MYRIP: variants seen among roughly 807,000 people sequenced by gnomAD.
MYRIP encodes the protein rab effector MyRIP.
Under a neutral mutation model 98.0 loss-of-function variants are expected in MYRIP, and 49 were observed. The observed-to-expected ratio is 0.50, with a 90% confidence interval of 0.40 to 0.63. The LOEUF (loss-of-function observed/expected upper bound fraction) is 0.63, where lower values mean the gene tolerates loss of function less well. MYRIP is among the 30% of genes least tolerant of loss of function. MYRIP has a pLI of 0.00. For synonymous variants in MYRIP, 404 were observed against 409.5 expected, an observed-to-expected ratio of 0.99 and a Z score of 0.16; for missense variants, 1,004 against 1,058.2, an observed-to-expected ratio of 0.95 and a Z score of 0.71.
chr3:40,047,958 T>A (rs1947705292), intron 3 of MYRIP, among the ~76,000 whole-genome samples: 1 of 152,150 alleles, frequency 6.6e-6, no homozygotes, highest in Non-Finnish European at 1.5e-5. Context: ...TTACGTGACT[T>A]GAATATTGTG....
intron 3 of MYRIP, among the ~76,000 whole-genome samples, chr3:40,079,528 G>A (rs1948428282): frequency 6.6e-6 from 1 of 152,202 alleles, no homozygotes; most frequent in African/African-American, 2.4e-5. Context: ...GGTACATTCA[G>A]CTTTCAGAGC....
At chr3:40,004,258 C>T (rs1946585330) in intron 2 of MYRIP, among the ~76,000 whole-genome samples, 1 of 152,164 alleles carries the variant, frequency 6.6e-6, no homozygotes, top group South Asian at 2.1e-4. Context: ...TTTGATAGAA[C>T]TTAGAGTCAT....
intron 3 of MYRIP, among the ~76,000 whole-genome samples, chr3:40,129,492 A>C (rs1949596291): frequency 7.1e-6 from 1 of 140,954 alleles, no homozygotes; most frequent in Admixed American, 7.7e-5. Flanking sequence ...CCACCTCCGA[A>C]AACACCCAGC....
intron 2 of MYRIP, among the ~76,000 whole-genome samples, chr3:39,994,182 A>G (rs1946271358): frequency 6.6e-6 from 1 of 152,226 alleles, no homozygotes; most frequent in Non-Finnish European, 1.5e-5. Flanking sequence ...GGAGTGTCGG[A>G]CAGTGGGTGC....
At chr3:40,160,617 CT>C (rs1950366876) in intron 4 of MYRIP, among the ~76,000 whole-genome samples, 1 of 152,224 alleles carries the variant, frequency 6.6e-6, no homozygotes, top group Admixed American at 6.5e-5. Flanking sequence ...GCAGTTTGAT[CT>C]CAGACTGCTG....
intron 1 of MYRIP, among the ~76,000 whole-genome samples, chr3:39,875,749 C>T (rs1254651332): frequency 1.3e-5 from 2 of 151,124 alleles, no homozygotes; most frequent in Admixed American, 6.6e-5. Context: ...CTGAGGAGAG[C>T]TTTACTTCCA....
intron 2 of MYRIP, among the ~76,000 whole-genome samples, chr3:39,912,551 G>T (rs1385508498): frequency 6.6e-6 from 1 of 152,116 alleles, no homozygotes; most frequent in African/African-American, 2.4e-5. Context: ...GAAGGAATAA[G>T]ACGTATAGTT....
intron 2 of MYRIP, among the ~76,000 whole-genome samples, chr3:39,980,828 G>T (rs531651551): frequency 1.1e-3 from 168 of 152,218 alleles, no homozygotes; most frequent in African/African-American, 4.0e-3. Flanking sequence ...TAAGTGCCTA[G>T]AGTAGTGAAA....
chr3:39,855,535 T>C (rs1271671064), intron 1 of MYRIP, among the ~76,000 whole-genome samples: 1 of 151,982 alleles, frequency 6.6e-6, no homozygotes, highest in Non-Finnish European at 1.5e-5. Flanking sequence ...AGGGGGTGGT[T>C]CTCAGGCCAA....
chr3:40,087,669 C>T (rs1349303205), intron 3 of MYRIP, among the ~76,000 whole-genome samples: 1 of 152,168 alleles, frequency 6.6e-6, no homozygotes. Context: ...AATACTACTA[C>T]CTTGTACATT....
chr3:39,852,890 C>T (rs1192485128), intron 1 of MYRIP, among the ~76,000 whole-genome samples: 2 of 152,346 alleles, frequency 1.3e-5, no homozygotes, highest in East Asian at 3.9e-4. Flanking sequence ...AAGCGATTCT[C>T]CTGCCTTAGC....
intron 1 of MYRIP, among the ~76,000 whole-genome samples, chr3:39,835,267 T>C (rs1343732552): frequency 5.9e-5 from 9 of 152,044 alleles, no homozygotes; most frequent in Non-Finnish European, 2.9e-5. Context: ...ATAGTGAAAA[T>C]AATTTCTAAC....
chr3:39,990,393 G>A lies in MYRIP; in HGVS notation c.111-53657G>A, dbSNP rs566877734. ...GCTGTTATGGTTCTTTTCAAGGGGA[G>A]CCTCTGATTGCCACTGCTTCTAGTC... On this transcript the variant is annotated intron_variant, in intron 2 of 16. Coordinates refer to ENST00000302541, the MANE Select transcript of MYRIP (RefSeq NM_015460.4). Among the ~76,000 whole-genome samples, 9 of 152,290 alleles carry A rather than the reference G, an allele frequency of 5.9e-5. No homozygotes were observed. The South Asian group carries it at 1.7e-3, about 28-fold the overall frequency.
intron 2 of MYRIP, among the ~76,000 whole-genome samples, chr3:39,959,845 C>T (rs1394837841): frequency 1.3e-5 from 2 of 152,168 alleles, no homozygotes; most frequent in African/African-American, 2.4e-5. Context: ...TATCCGGAAT[C>T]GTTTTTCTTC....
intron 3 of MYRIP, among the ~76,000 whole-genome samples, chr3:40,086,979 G>A (rs951476075): frequency 6.6e-6 from 1 of 152,088 alleles, no homozygotes; most frequent in Non-Finnish European, 1.5e-5. Context: ...CCAGGACAAT[G>A]CTGGGGGTGA....
At position 40,253,302 on chromosome 3, in the gene MYRIP, G is replaced by A. The variant is rs566394051; in HGVS notation, c.2547+1303G>A. Among the ~76,000 whole-genome samples the A allele has an allele frequency of 3.0e-4, 46 of 152,218 alleles. No homozygotes were observed. The South Asian group carries it at 6.4e-3, about 21-fold the overall frequency. On this transcript the variant is annotated intron_variant, in intron 16 of 16. Transcript: ENST00000302541. ...CCAGTGACATATGTTCAACAGCCGC[G>A]GTATCCTGACCGTGCAAAGGTAGCA...
intron 11 of MYRIP, among the ~76,000 whole-genome samples, chr3:40,217,178 T>C (rs1439092100): frequency 6.6e-6 from 1 of 152,134 alleles, no homozygotes; most frequent in East Asian, 1.9e-4. Flanking sequence ...CATCAAACGT[T>C]CGTGGTGCTA....
At chr3:40,141,532 A>G (rs531774206) in intron 3 of MYRIP, among the ~76,000 whole-genome samples, 1 of 152,312 alleles carries the variant, frequency 6.6e-6, no homozygotes, top group African/African-American at 2.4e-5. Flanking sequence ...ATCAATGTCC[A>G]GAAGTATTTC....
chr3:39,819,998 G>A (rs904746606), intron 1 of MYRIP, among the ~76,000 whole-genome samples: 40 of 152,298 alleles, frequency 2.6e-4, no homozygotes, highest in Admixed American at 8.5e-4. Flanking sequence ...TTTACAATGT[G>A]ATACCACTGA....
Sources: gnomAD v4.1 joint callset for allele counts (sites outside exome capture counted in the v4.1 genomes callset) on GRCh38, gnomAD v4.1.1 for gene constraint, MANE v1.5 for transcripts, NCBI Gene and HGNC (gene_info 2026-07-23, HGNC 2026-07-21) for gene names.